Variants in MYO3B observed in about 807,000 individuals in gnomAD.
MYO3B encodes myosin-IIIb.
Under a neutral mutation model 174.6 loss-of-function variants are expected in MYO3B, and 156 were observed. That is an observed-to-expected ratio of 0.89 (90% CI 0.78 to 1.02). The LOEUF is 1.02. Among genes scored for constraint, MYO3B ranks in the 50% least tolerant of loss-of-function variants. The pLI is 0.00. For synonymous variants in MYO3B, 563 were observed against 569.1 expected, an observed-to-expected ratio of 0.99 and a Z score of 0.15; for missense variants, 1,632 against 1,639.4, an observed-to-expected ratio of 1.00 and a Z score of 0.08.
chr2:170,526,169 G>A (rs1175666979), intron 30 of MYO3B, among the ~76,000 whole-genome samples: 1 of 152,140 alleles, frequency 6.6e-6, no homozygotes, highest in Non-Finnish European at 1.5e-5. Flanking sequence ...ATGAGACATT[G>A]GACAAGTTCC....
At chr2:170,308,675 T>C (rs2093717213) in intron 7 of MYO3B, among the ~76,000 whole-genome samples, 1 of 152,184 alleles carries the variant, frequency 6.6e-6, no homozygotes. Flanking sequence ...CTTTTCTTTC[T>C]TGATATATTG....
intron 22 of MYO3B, among the ~76,000 whole-genome samples, chr2:170,408,360 A>T (rs1163794699): frequency 6.6e-6 from 1 of 152,212 alleles, no homozygotes; most frequent in Non-Finnish European, 1.5e-5. Context: ...TCACCTATGT[A>T]TGTGGCCTTT....
At chr2:170,379,199 T>C (rs1244266902) in intron 9 of MYO3B, among the ~76,000 whole-genome samples, 1 of 150,478 alleles carries the variant, frequency 6.6e-6, no homozygotes, top group Admixed American at 6.6e-5. Context: ...GTACAATTTT[T>C]TTTTTTTTTT....
chr2:170,599,563 A>G lies in MYO3B; in HGVS notation c.3734-52065A>G, dbSNP rs570932394. On this transcript the variant is annotated intron_variant, in intron 32 of 34. Coordinates refer to ENST00000408978, the MANE Select transcript of MYO3B (RefSeq NM_138995.5). ...GGAGTTAGTGACTAGCCTGGCCAAC[A>G]TGGTGAAACCCCATCTCTACTAAAA... Among the ~76,000 whole-genome samples the G allele has an allele frequency of 4.6e-5, 7 of 152,214 alleles. No homozygotes were observed. The South Asian group carries it at 1.0e-3, about 23-fold the overall frequency.
At chr2:170,594,862 T>G (rs1694046327) in intron 32 of MYO3B, among the ~76,000 whole-genome samples, 1 of 150,710 alleles carries the variant, frequency 6.6e-6, no homozygotes, top group Non-Finnish European at 1.5e-5. Context: ...CACACACTTG[T>G]TGCTATCACT....
rs180884808 is a variant in MYO3B at position 170,610,388 on chromosome 2, C to T, written c.3734-41240C>T. ...CTAGTGTATTCATCATGTTCAATTG[C>T]TGAATGAGCTGATTTACAGAAGAGG... On this transcript the variant is annotated intron_variant, in intron 32 of 34. Coordinates refer to ENST00000408978, the MANE Select transcript of MYO3B (RefSeq NM_138995.5). 2.9e-4 allele frequency among the ~76,000 whole-genome samples: 44 copies of T among 152,086 alleles called. No homozygotes were observed. The East Asian group carries it at 3.1e-3, about 11-fold the overall frequency.
intron 32 of MYO3B, among the ~76,000 whole-genome samples, chr2:170,596,353 T>C (rs1267321075): frequency 5.9e-5 from 9 of 152,170 alleles, no homozygotes; most frequent in Non-Finnish European, 1.2e-4. Context: ...AGAGGACTGG[T>C]CCGTGAGTCC....
At chr2:170,395,747 G>C (rs555592730) in intron 16 of MYO3B, among the ~76,000 whole-genome samples, 123 of 152,116 alleles carry the variant, frequency 8.1e-4, no homozygotes, top group Non-Finnish European at 1.3e-3. Flanking sequence ...AAAAACTGAC[G>C]AGATTTACAA....
chr2:170,187,638 C>T (rs2092482927), intron 1 of MYO3B, among the ~76,000 whole-genome samples: 1 of 152,192 alleles, frequency 6.6e-6, no homozygotes, highest in African/African-American at 2.4e-5. Context: ...ACTGCTTTCA[C>T]TGTATCGTGT....
At chr2:170,314,771 A>G (rs2093763165) in intron 7 of MYO3B, among the ~76,000 whole-genome samples, 1 of 152,236 alleles carries the variant, frequency 6.6e-6, no homozygotes, top group Non-Finnish European at 1.5e-5. Context: ...AAGTCCTTCT[A>G]GAATGGGAAG....
At chr2:170,407,497 C>G (rs2094517522) in intron 21 of MYO3B, among the ~76,000 whole-genome samples, 3 of 151,762 alleles carry the variant, frequency 2.0e-5, no homozygotes, top group Admixed American at 2.0e-4. Flanking sequence ...AAAAGAAAAC[C>G]CATAAAAAAC....
At chr2:170,557,148 A>ACTT (rs112413395) in intron 32 of MYO3B, among the ~76,000 whole-genome samples, 1 of 146,640 alleles carries the variant, frequency 6.8e-6, no homozygotes, top group African/African-American at 2.5e-5. Flanking sequence ...TTTTATTTTT[A>ACTT]TTTTTTTTTG....
intron 32 of MYO3B, among the ~76,000 whole-genome samples, chr2:170,639,232 A>G (rs1697768542): frequency 6.6e-6 from 1 of 152,200 alleles, no homozygotes; most frequent in African/African-American, 2.4e-5. Flanking sequence ...TTTGCATCTC[A>G]TTAGAAGCTC....
Position 170,481,193 on chromosome 2 carries a change from T to C in MYO3B, c.3014+14482T>C, listed in dbSNP as rs138433018. ...TCCTCCAGGACATCATTAGACTTCT[T>C]TTCTTTTCACCTGTAGCTACATAGA... On this transcript the variant is annotated intron_variant, in intron 25 of 34. Transcript: ENST00000408978. 3.7e-3 allele frequency among the ~76,000 whole-genome samples: 558 copies of C among 152,346 alleles called. 11 individuals are homozygous for C. Among genetic ancestry groups the C allele is most frequent in the East Asian group, 0.033 (173 of 5,190 alleles).
Position 170,178,228 on chromosome 2 carries a change from G to T in MYO3B, c.-60G>T. On this transcript the variant is annotated 5_prime_UTR_variant, in exon 1 of 35. Transcript: ENST00000408978. ...TTTTCTGGGCCTGAAGTGTTCTGCT[G>T]GTTTTTGGAGGAATGAGAATCCAAT... The T allele has an allele frequency of 6.2e-7, 1 of 1,611,474 alleles. No individual in the cohort carries two copies.
intron 6 of MYO3B, among the ~76,000 whole-genome samples, chr2:170,235,569 C>T (rs146332917): frequency 1.5e-3 from 233 of 152,278 alleles, no homozygotes; most frequent in Non-Finnish European, 2.7e-3. Flanking sequence ...TGGTTATACT[C>T]GCGGGAATTT....
At chr2:170,589,174 A>G (rs1317904069) in intron 32 of MYO3B, among the ~76,000 whole-genome samples, 1 of 152,214 alleles carries the variant, frequency 6.6e-6, no homozygotes, top group Non-Finnish European at 1.5e-5. Context: ...GCAGACCTCA[A>G]GAAGCTCCTT....
At chr2:170,548,106 CAAAAAAAAA>C (rs10532249) in intron 32 of MYO3B, among the ~76,000 whole-genome samples, 30 of 51,718 alleles carry the variant, frequency 5.8e-4, no homozygotes, top group South Asian at 3.1e-3. Context: ...GACTCCGTCT[CAAAAAAAAA>C]AAAAAAAAAA....
At chr2:170,473,095 C>G (rs1027339583) in intron 25 of MYO3B, among the ~76,000 whole-genome samples, 4 of 145,528 alleles carry the variant, frequency 2.7e-5, no homozygotes, top group Non-Finnish European at 6.1e-5. Context: ...ACTCTTACCT[C>G]TTCTTTTTCA....
Sources: allele counts gnomAD v4.1 joint callset (sites outside exome capture counted in the v4.1 genomes callset), GRCh38; gene constraint gnomAD v4.1.1; transcripts MANE v1.5; gene names NCBI Gene and HGNC (gene_info 2026-07-23, HGNC 2026-07-21).